The following CTNND2 variants were observed in gnomAD, a reference collection of about 807,000 sequenced individuals.
The protein encoded by CTNND2 is catenin delta-2.
Under a neutral mutation model 144.4 loss-of-function variants are expected in CTNND2, and 22 were observed. The observed-to-expected ratio is 0.15, with a 90% CI of 0.11 to 0.22. The LOEUF is 0.22. CTNND2 is among the 10% of genes least tolerant of loss of function. CTNND2 has a pLI of 1.00. For missense variants in CTNND2, 1,353 were observed against 1,618.8 expected, an observed-to-expected ratio of 0.84 and a Z score of 2.82; for synonymous variants, 751 against 695.6, an observed-to-expected ratio of 1.08 and a Z score of -1.25.
At chr5:11,095,759 T>C (rs1248950437) in intron 15 of CTNND2, among the ~76,000 whole-genome samples, 1 of 152,342 alleles carries the variant, frequency 6.6e-6, no homozygotes, top group East Asian at 1.9e-4. Context: ...TACTTTAACA[T>C]GTCTTTTTTA....
intron 1 of CTNND2, among the ~76,000 whole-genome samples, chr5:11,792,856 C>A (rs1270294266): frequency 6.6e-6 from 1 of 152,180 alleles, no homozygotes; most frequent in Non-Finnish European, 1.5e-5. Flanking sequence ...CCATTCACAG[C>A]CAAAAAACTC....
At chr5:11,555,220 T>C (rs953615515) in intron 3 of CTNND2, among the ~76,000 whole-genome samples, 1 of 152,200 alleles carries the variant, frequency 6.6e-6, no homozygotes. Flanking sequence ...AAATTACTTA[T>C]AGACTAGCCA....
At chr5:11,828,431 G>A in intron 1 of CTNND2, among the ~76,000 whole-genome samples, 1 of 152,176 alleles carries the variant, frequency 6.6e-6, no homozygotes, top group East Asian at 1.9e-4. Context: ...TTGGGAGGCT[G>A]AAGCAGGAGA....
intron 6 of CTNND2, chr5:11,385,705 T>C (rs1224486067): frequency 1.3e-5 from 2 of 152,162 alleles, no homozygotes; most frequent in Admixed American, 6.5e-5. Context: ...CCTCTGAGAT[T>C]GGCCGAGTTA....
At chr5:11,760,444 T>C (rs1789192912) in intron 1 of CTNND2, among the ~76,000 whole-genome samples, 1 of 152,196 alleles carries the variant, frequency 6.6e-6, no homozygotes, top group African/African-American at 2.4e-5. Flanking sequence ...ATTAAACATA[T>C]GTAAGACAAT....
intron 2 of CTNND2, among the ~76,000 whole-genome samples, chr5:11,696,354 T>C (rs771342971): frequency 9.2e-5 from 14 of 152,192 alleles, no homozygotes; most frequent in East Asian, 1.9e-4. Flanking sequence ...TCATAGGCCA[T>C]AGAAAAACAG....
intron 2 of CTNND2, among the ~76,000 whole-genome samples, chr5:11,627,048 T>C (rs1412817152): frequency 6.6e-6 from 1 of 152,120 alleles, no homozygotes; most frequent in Non-Finnish European, 1.5e-5. Context: ...GTTAGGAAAG[T>C]GTTTGAAAAA....
chr5:11,662,711 A>C (rs1783340350), intron 2 of CTNND2, among the ~76,000 whole-genome samples: 2 of 152,146 alleles, frequency 1.3e-5, no homozygotes, highest in Admixed American at 1.3e-4. Context: ...ATGGATGCAT[A>C]AACTCTACTG....
In CTNND2 at chr5:11,512,154, G is replaced by C. The variant is rs369591133; in HGVS notation, c.287+52790C>G. On this transcript the variant is annotated intron_variant, in intron 3 of 21. Coordinates refer to ENST00000304623, the MANE Select transcript of CTNND2 (RefSeq NM_001332.4). Reference sequence around the variant, plus strand: ...GTCTCATTGGGCCCCACACTGAGAAGAACAACACAGTGTTTGCTTTAATGC... The same window carrying C: ...GTCTCATTGGGCCCCACACTGAGAACAACAACACAGTGTTTGCTTTAATGC... 1.8e-4 allele frequency among the ~76,000 whole-genome samples: 28 copies of C among 152,270 alleles called. No individual in the cohort carries two copies. In the East Asian group the frequency reaches 3.9e-3, roughly 21 times the overall value.
At chr5:11,216,201 C>T (rs1007304245) in intron 10 of CTNND2, among the ~76,000 whole-genome samples, 12 of 152,172 alleles carry the variant, frequency 7.9e-5, no homozygotes, top group South Asian at 2.1e-4. Flanking sequence ...CTCTAATACA[C>T]GGTGGTAGGC....
intron 1 of CTNND2, among the ~76,000 whole-genome samples, chr5:11,743,034 T>C (rs2126768047): frequency 6.6e-6 from 1 of 152,324 alleles, no homozygotes; most frequent in East Asian, 1.9e-4. Context: ...CACTTCTCAC[T>C]TTACAAAGAG....
At chr5:11,834,422 C>T (rs976126764) in intron 1 of CTNND2, among the ~76,000 whole-genome samples, 5 of 151,946 alleles carry the variant, frequency 3.3e-5, no homozygotes, top group Non-Finnish European at 7.4e-5. Flanking sequence ...AATATAAATA[C>T]AAAAAAGTCT....
At chr5:11,663,065 T>A (rs1367917108) in intron 2 of CTNND2, among the ~76,000 whole-genome samples, 1 of 152,184 alleles carries the variant, frequency 6.6e-6, no homozygotes, top group Non-Finnish European at 1.5e-5. Context: ...TTTTTAAGAT[T>A]TTTGTTTTAA....
chr5:11,438,827 C>T (rs1764002710), intron 3 of CTNND2, among the ~76,000 whole-genome samples: 1 of 152,054 alleles, frequency 6.6e-6, no homozygotes, highest in African/African-American at 2.4e-5. Context: ...CAGGACAGTC[C>T]TACCTAAGGG....
intron 14 of CTNND2, among the ~76,000 whole-genome samples, chr5:11,102,970 ATTTTTTTTTTT>A (rs778134907): frequency 2.3e-4 from 19 of 84,076 alleles, no homozygotes; most frequent in Admixed American, 1.2e-3. Flanking sequence ...TATTTAAAAG[ATTTTTTTTTTT>A]TTTTTTTTTT....
chr5:11,842,490 C>T (rs901811482), intron 1 of CTNND2, among the ~76,000 whole-genome samples: 3 of 152,042 alleles, frequency 2.0e-5, no homozygotes, highest in East Asian at 3.9e-4. Context: ...GAGGCTGAGG[C>T]GGGCGGATCG....
chr5:11,590,609 C>T (rs534239542), intron 2 of CTNND2, among the ~76,000 whole-genome samples: 4 of 151,836 alleles, frequency 2.6e-5, no homozygotes, highest in African/African-American at 9.7e-5. Flanking sequence ...TGTACCCTGC[C>T]CTTGTGACAA....
At chr5:11,053,333 G>C (rs1746036039) in intron 16 of CTNND2, among the ~76,000 whole-genome samples, 1 of 152,202 alleles carries the variant, frequency 6.6e-6, no homozygotes, top group South Asian at 2.1e-4. Flanking sequence ...TATAGGAAGA[G>C]GTTGAGCTCT....
At chr5:11,876,692 T>C (rs1735594590) in intron 1 of CTNND2, among the ~76,000 whole-genome samples, 1 of 152,230 alleles carries the variant, frequency 6.6e-6, no homozygotes, top group African/African-American at 2.4e-5. Context: ...AAGCATTTAA[T>C]AATGATGTAG....
Sources: allele counts gnomAD v4.1 joint callset (sites outside exome capture counted in the v4.1 genomes callset), GRCh38; gene constraint gnomAD v4.1.1; transcripts MANE v1.5; gene names NCBI Gene and HGNC (gene_info 2026-07-23, HGNC 2026-07-21).